The following TMEM132D variants were observed in gnomAD, a reference collection of about 807,000 sequenced individuals.
TMEM132D encodes the protein mature OL transmembrane protein.
A neutral mutation model predicts 62.3 loss-of-function variants in TMEM132D; 21 were observed. That is an observed-to-expected ratio of 0.34 (90% CI 0.24 to 0.49). TMEM132D has a LOEUF of 0.49. Among genes scored for constraint, TMEM132D ranks in the 20% least tolerant of loss-of-function variants. The pLI, the probability that TMEM132D is intolerant of heterozygous loss-of-function variation, is 0.99. For synonymous variants in TMEM132D, 621 were observed against 575.6 expected (o/e 1.08, Z -1.13); for missense variants, 1,346 against 1,402.8 (o/e 0.96, Z 0.65).
intron 3 of TMEM132D, among the ~76,000 whole-genome samples, chr12:129,363,094 C>T (rs577329247): frequency 3.3e-5 from 5 of 152,304 alleles, no homozygotes; most frequent in East Asian, 1.9e-4. Context: ...AAAACACATT[C>T]GGAACAATTT....
intron 2 of TMEM132D, among the ~76,000 whole-genome samples, chr12:129,595,851 C>G (rs1878321365): frequency 6.6e-6 from 1 of 152,194 alleles, no homozygotes; most frequent in South Asian, 2.1e-4. Context: ...GGTCCCTCAG[C>G]CTCCCAGTGC....
chr12:129,550,258 T>G (rs1489260308), intron 2 of TMEM132D, among the ~76,000 whole-genome samples: 1 of 152,068 alleles, frequency 6.6e-6, no homozygotes, highest in Non-Finnish European at 1.5e-5. Context: ...ATTTTTACAC[T>G]AAAAAACCCT....
At chr12:129,135,801 T>C (rs182551327) in intron 5 of TMEM132D, among the ~76,000 whole-genome samples, 1 of 152,312 alleles carries the variant, frequency 6.6e-6, no homozygotes, top group Admixed American at 6.5e-5. Context: ...TGGTGTTCCT[T>C]GGCTGATAGA....
chr12:129,661,123 G>A (rs1003225478), intron 2 of TMEM132D, among the ~76,000 whole-genome samples: 23 of 152,288 alleles, frequency 1.5e-4, no homozygotes, highest in Admixed American at 1.3e-3. Flanking sequence ...GCTGTGCTGG[G>A]CTAACGGGAC....
chr12:129,558,733 G>A (rs944980905), intron 2 of TMEM132D, among the ~76,000 whole-genome samples: 3 of 152,138 alleles, frequency 2.0e-5, no homozygotes, highest in Non-Finnish European at 4.4e-5. Context: ...TAGTGCTGAG[G>A]CATTCTCCCC....
intron 2 of TMEM132D, among the ~76,000 whole-genome samples, chr12:129,560,964 C>A (rs1877209014): frequency 6.6e-6 from 1 of 152,194 alleles, no homozygotes; most frequent in South Asian, 2.1e-4. Flanking sequence ...GTATGAACTA[C>A]TTCTCTGCCC....
chr12:129,161,791 G>A (rs1327882374), intron 5 of TMEM132D, among the ~76,000 whole-genome samples: 4 of 152,194 alleles, frequency 2.6e-5, no homozygotes, highest in Non-Finnish European at 5.9e-5. Context: ...AGGCACCTAT[G>A]TCCTGAGAGT....
In TMEM132D at chr12:129,676,123, A is replaced by T. The variant is rs1880623850; in HGVS notation, c.968+23687T>A. On this transcript the variant is annotated intron_variant, in intron 2 of 8. Coordinates refer to ENST00000422113, the MANE Select transcript of TMEM132D (RefSeq NM_133448.3). ...CTGCTCACACAGAGCTCAGAAGGAG[A>T]CCACAATGGCCAAAGCACAAAGGAG... 2.0e-5 allele frequency among the ~76,000 whole-genome samples: 3 copies of T among 152,318 alleles called. No homozygotes were observed. In the South Asian group the frequency reaches 6.2e-4, roughly 32 times the overall value.
intron 3 of TMEM132D, among the ~76,000 whole-genome samples, chr12:129,499,197 G>T (rs1384193587): frequency 6.6e-6 from 1 of 152,152 alleles, no homozygotes; most frequent in Non-Finnish European, 1.5e-5. Flanking sequence ...GCAAAATATT[G>T]CACTTAATTT....
chr12:129,507,624 G>A (rs973562697), intron 3 of TMEM132D, among the ~76,000 whole-genome samples: 7 of 152,250 alleles, frequency 4.6e-5, no homozygotes, highest in South Asian at 2.1e-4. Flanking sequence ...ACCAAACATC[G>A]TATGTTCTCA....
At chr12:129,812,047 A>G (rs1355537282) in intron 1 of TMEM132D, among the ~76,000 whole-genome samples, 3 of 152,002 alleles carry the variant, frequency 2.0e-5, no homozygotes, top group Admixed American at 6.5e-5. Context: ...AATAAGCACC[A>G]GCTGTTCCAA....
At chr12:129,186,181 C>T (rs982648068) in intron 5 of TMEM132D, among the ~76,000 whole-genome samples, 1 of 152,200 alleles carries the variant, frequency 6.6e-6, no homozygotes, top group African/African-American at 2.4e-5. Context: ...ATTGACAGTG[C>T]AGAAGCCTCT....
chr12:129,304,763 A>C (rs762388986), intron 4 of TMEM132D, among the ~76,000 whole-genome samples: 3 of 147,876 alleles, frequency 2.0e-5, no homozygotes, highest in Non-Finnish European at 4.4e-5. Context: ...TCCCAGGTTC[A>C]AGTGATTGTC....
At chr12:129,601,095 A>AT (rs1177179930) in intron 2 of TMEM132D, among the ~76,000 whole-genome samples, 2 of 152,198 alleles carry the variant, frequency 1.3e-5, no homozygotes, top group African/African-American at 4.8e-5. Flanking sequence ...TTAATCAATG[A>AT]TTTTAACTAG....
rs185426775 is a variant in TMEM132D at position 129,260,818 on chromosome 12, A to G, written c.1300-51155T>C. 3.3e-3 allele frequency among the ~76,000 whole-genome samples: 500 copies of G among 151,920 alleles called. 2 individuals carry two copies. Among genetic ancestry groups the G allele is most frequent in the African/African-American group, 0.011 (453 of 41,504 alleles). On this transcript the variant is annotated intron_variant, in intron 4 of 8. Coordinates refer to ENST00000422113, the MANE Select transcript of TMEM132D (RefSeq NM_133448.3). ...ACTTAGAATAATGGCCTCCAGCTCC[A>G]TCTAAGTTGCTGGAAAAGACATTGT...
chr12:129,104,023 C>T lies in TMEM132D; in HGVS notation c.1444-19321G>A, dbSNP rs570171279. The stretch of plus-strand genomic sequence containing the variant: ...ATCAAGCTACCAATGCCTTTCTTCA[C>T]AGAATTGGAAAAAACTACTTTAAAG... On this transcript the variant is annotated intron_variant, in intron 5 of 8. Transcript: ENST00000422113. Among the ~76,000 whole-genome samples, 572 of 151,954 alleles carry T rather than the reference C, an allele frequency of 3.8e-3. 3 individuals carry two copies. The highest frequency in any genetic ancestry group is 0.013 in the African/African-American group (548 of 41,398).
rs1361759991 is a variant in TMEM132D at position 129,073,924 on chromosome 12, T to C, written c.3251A>G (p.Asp1084Gly). 1.9e-6 allele frequency: 3 copies of C among 1,582,674 alleles called. No individual in the cohort carries two copies. Among genetic ancestry groups the C allele is most frequent in the Non-Finnish European group, 2.6e-6 (3 of 1,165,910 alleles). The part of the protein sequence containing the change: ...KWVCQDLDPG[D>G]CKELHNYMER... ...CATGTAGTTGTGCAGCTCTTTGCAG[T>C]CCCCAGGGTCCAGATCCTGGCAGAC... Residue 1084 changes from aspartate to glycine, a missense_variant, in exon 9 of 9, where the codon GAC (aspartate) becomes GGC (glycine). Transcript: ENST00000422113.
chr12:129,726,734 C>A (rs2137248897), intron 1 of TMEM132D, among the ~76,000 whole-genome samples: 1 of 152,176 alleles, frequency 6.6e-6, no homozygotes, highest in Admixed American at 6.5e-5. Context: ...TGAGTGCTAC[C>A]AGTAGCAAGA....
chr12:129,526,995 T>C (rs1876065337), intron 3 of TMEM132D, among the ~76,000 whole-genome samples: 1 of 152,218 alleles, frequency 6.6e-6, no homozygotes, highest in Non-Finnish European at 1.5e-5. Flanking sequence ...GTTTAAGATA[T>C]TCCTATTTGT....
Sources: gnomAD v4.1 joint callset for allele counts (sites outside exome capture counted in the v4.1 genomes callset) on GRCh38, gnomAD v4.1.1 for gene constraint, MANE v1.5 for transcripts, NCBI Gene and HGNC (gene_info 2026-07-23, HGNC 2026-07-21) for gene names.